The following RSPH14 variants were observed in gnomAD, a reference collection of about 807,000 sequenced individuals.
RSPH14 encodes rhabdoid tumor deletion region gene 1.
In RSPH14, 20 loss-of-function variants were observed where a neutral mutation model predicts 26.7. That is an observed-to-expected ratio of 0.75 (90% CI 0.53 to 1.09). RSPH14 has a LOEUF of 1.09. Among genes scored for constraint, RSPH14 ranks in the 50% least tolerant of loss-of-function variants. The pLI, the probability that RSPH14 is intolerant of heterozygous loss-of-function variation, is 0.00. For synonymous variants in RSPH14, 177 were observed against 189.3 expected (o/e 0.93, Z 0.53); for missense variants, 449 against 457.2 (o/e 0.98, Z 0.16).
At chr22:23,180,036 C>T in the RSPH14 span, 1 of 369,406 alleles carries the variant, frequency 2.7e-6, no homozygotes, top group Non-Finnish European at 5.1e-6. Context: ...GCTTATGGCA[C>T]TGCGGCGTGG....
the RSPH14 span, among the ~76,000 whole-genome samples, chr22:23,171,842 CAAAAAAAAAAAACAAA>C: frequency 6.5e-5 from 2 of 30,794 alleles, no homozygotes; most frequent in African/African-American, 3.3e-4. Context: ...AACTCTGTCT[CAAAAAAAAAAAACAAA>C]AAAAAAAAAA....
the RSPH14 span, among the ~76,000 whole-genome samples, chr22:23,178,688 C>A: frequency 1.3e-5 from 2 of 152,320 alleles, no homozygotes; most frequent in African/African-American, 4.8e-5. Context: ...TTTTCCAGGG[C>A]AGGAATGTTC....
chr22:23,166,701 G>A, the RSPH14 span, among the ~76,000 whole-genome samples: 4 of 152,142 alleles, frequency 2.6e-5, no homozygotes, highest in African/African-American at 4.8e-5. Flanking sequence ...TAGTCTCACA[G>A]TGCAGCCTCA....
At chr22:23,143,326 AATAAATAG>A (rs1379146072), upstream of RSPH14, among the ~76,000 whole-genome samples, 1,764 of 145,698 alleles carry the variant, frequency 0.012, 29 homozygotes, top group African/African-American at 0.037. Context: ...TAAATAAATA[AATAAATAG>A]ATATAATTTT....
the RSPH14 span, chr22:23,150,119 C>T: frequency 4.0e-5 from 65 of 1,612,312 alleles, no homozygotes; most frequent in Non-Finnish European, 5.0e-5. Flanking sequence ...GGCAGGTCAG[C>T]GCTGCCTGCC....
At chr22:23,151,909 C>T in the RSPH14 span, among the ~76,000 whole-genome samples, 1 of 152,178 alleles carries the variant, frequency 6.6e-6, no homozygotes, top group Non-Finnish European at 1.5e-5. Flanking sequence ...CTTGGCCTGT[C>T]GGACCCTTAC....
In RSPH14 at chr22:23,114,391, G is replaced by A. The variant is rs545694932; in HGVS notation, c.421+19635C>T. On this transcript the variant is annotated intron_variant, in intron 4 of 6. Transcript: ENST00000216036. ...GCCCAGGGTGGGACAGACCGGCCCC[G>A]GCCCCACCCTTCCCAGCAATGCGGC... 5.9e-5 allele frequency among the ~76,000 whole-genome samples: 9 copies of A among 152,240 alleles called. No homozygotes were observed. The South Asian group carries it at 1.2e-3, about 21-fold the overall frequency.
chr22:23,088,467 C>T (rs1026692726), intron 4 of RSPH14, among the ~76,000 whole-genome samples: 7 of 152,198 alleles, frequency 4.6e-5, no homozygotes, highest in Non-Finnish European at 1.0e-4. Context: ...ACAGGAGCCG[C>T]GGCTGCCTGG....
At chr22:23,156,051 C>T in the RSPH14 span, 47 of 1,604,794 alleles carry the variant, frequency 2.9e-5, no homozygotes, top group Middle Eastern at 6.6e-4. Flanking sequence ...CATGCCACGT[C>T]GGGGCTCAAC....
chr22:23,061,997 G>A (rs767809305), intron 5 of RSPH14, 52 bp from the exon 6 acceptor site: 18 of 1,606,680 alleles, frequency 1.1e-5, no homozygotes, highest in Admixed American at 3.4e-5. Flanking sequence ...GAGAAGAGGC[G>A]CAAGGCCCAG....
intron 3 of RSPH14, among the ~76,000 whole-genome samples, chr22:23,135,498 G>GTAAA (rs71200835): frequency 0.011 from 1,626 of 147,076 alleles, 16 homozygotes; most frequent in Non-Finnish European, 0.02. Context: ...TCTCAAATAA[G>GTAAA]TAAATAAATA....
chr22:23,095,065 G>A (rs77532234), intron 4 of RSPH14, among the ~76,000 whole-genome samples: 3,896 of 152,334 alleles, frequency 0.026, 170 homozygotes, highest in African/African-American at 0.09. Flanking sequence ...GCAGACATAT[G>A]TGTTACACCA....
chr22:23,169,089 T>C, the RSPH14 span, among the ~76,000 whole-genome samples: 1 of 152,106 alleles, frequency 6.6e-6, no homozygotes, highest in African/African-American at 2.4e-5. Flanking sequence ...TCATCAATAA[T>C]TGATTCTGCA....
At chr22:23,155,485 A>G in the RSPH14 span, among the ~76,000 whole-genome samples, 1 of 152,102 alleles carries the variant, frequency 6.6e-6, no homozygotes, top group East Asian at 1.9e-4. Flanking sequence ...GGTATCTCCA[A>G]CTCCTACTTT....
intron 4 of RSPH14, among the ~76,000 whole-genome samples, chr22:23,075,268 C>T (rs1174088559): frequency 6.6e-6 from 1 of 152,230 alleles, no homozygotes; most frequent in Admixed American, 6.5e-5. Flanking sequence ...GAGTCAGTCA[C>T]ACCCAGCCTG....
At chr22:23,149,104 G>A (rs776231521), upstream of RSPH14, among the ~76,000 whole-genome samples, 5 of 151,416 alleles carry the variant, frequency 3.3e-5, no homozygotes, top group African/African-American at 4.9e-5. Context: ...GGCAGAGCCC[G>A]AATCCATGGT....
intron 4 of RSPH14, chr22:23,122,955 A>G (rs1271402519): frequency 1.6e-6 from 1 of 634,466 alleles, no homozygotes; most frequent in East Asian, 2.6e-5. Context: ...TCCCCAGCAG[A>G]AGGAGGTGCC....
At chr22:23,079,520 C>T (rs2068613719) in intron 4 of RSPH14, among the ~76,000 whole-genome samples, 1 of 152,150 alleles carries the variant, frequency 6.6e-6, no homozygotes, top group Admixed American at 6.5e-5. Context: ...CCCTGGTGCC[C>T]TGGCTGGACT....
At position 23,071,209 on chromosome 22, in the gene RSPH14, TG is replaced by T. The variant is rs945819919; in HGVS notation, c.422-7077del. ...CAATATTTTTTCCCTTAAAAGGCGG[TG>T]GGGGTGTTTGGGGGAGGGGAGTGAG... On this transcript the variant is annotated intron_variant, in intron 4 of 6. Transcript: ENST00000216036. The surrounding 1 kb of genome is among the most constrained non-coding windows in gnomAD (Gnocchi z 4.1). 2.1e-5 allele frequency among the ~76,000 whole-genome samples: 3 copies of T among 143,328 alleles called. No individual in the cohort carries two copies. Among genetic ancestry groups the T allele is most frequent in the African/African-American group, 7.9e-5 (3 of 37,988 alleles). 94.0% of individuals were successfully genotyped at this position (143,328 alleles called of 152,430 possible).
Sources: gnomAD v4.1 joint callset for allele counts (sites outside exome capture counted in the v4.1 genomes callset) on GRCh38, gnomAD v4.1.1 for gene constraint, Gnocchi (gnomAD v3.1) non-coding constraint, MANE v1.5 for transcripts, NCBI Gene and HGNC (gene_info 2026-07-23, HGNC 2026-07-21) for gene names.